The following HECW2 variants were observed in gnomAD, a reference collection of about 807,000 sequenced individuals.
The protein encoded by HECW2 is E3 ubiquitin-protein ligase HECW2.
Under a neutral mutation model 175.2 loss-of-function variants are expected in HECW2, and 61 were observed. The observed-to-expected ratio is 0.35, with a 90% CI of 0.28 to 0.43. HECW2 has a LOEUF of 0.43. Ranked by LOEUF, HECW2 falls within the 20% of genes least tolerant of loss-of-function variation. The pLI is 1.00. For missense variants in HECW2, 1,524 were observed against 2,000.5 expected (o/e 0.76, Z 4.54); for synonymous variants, 671 against 731.0 (o/e 0.92, Z 1.32).
chr2:196,561,679 G>A (rs992061266), intron 1 of HECW2, among the ~76,000 whole-genome samples: 1 of 152,026 alleles, frequency 6.6e-6, no homozygotes, highest in Admixed American at 6.5e-5. Flanking sequence ...AGGGAAAATA[G>A]AAAAGAACCT....
Position 196,582,390 on chromosome 2 carries a change from T to C in HECW2, c.-36+11118A>G, listed in dbSNP as rs57853336. ...CTGACTGCCTTGTTGCAGTGTGTGA[T>C]CCTAGCTTGAGGATGCCAAGTAGTT... On this transcript the variant is annotated intron_variant, in intron 1 of 28. Coordinates refer to ENST00000644978, the MANE Select transcript of HECW2 (RefSeq NM_001348768.2). 2.6e-3 allele frequency among the ~76,000 whole-genome samples: 399 copies of C among 152,312 alleles called. 1 individual carries two copies. The highest frequency in any genetic ancestry group is 9.3e-3 in the African/African-American group (388 of 41,574).
intron 1 of HECW2, among the ~76,000 whole-genome samples, chr2:196,518,206 G>A (rs1211194025): frequency 3.3e-5 from 5 of 151,884 alleles, no homozygotes; most frequent in South Asian, 2.1e-4. Context: ...CCAAAAATGT[G>A]ATTAAAAAAT....
chr2:196,377,494 G>T (rs531774223), intron 2 of HECW2, among the ~76,000 whole-genome samples: 1 of 152,258 alleles, frequency 6.6e-6, no homozygotes, highest in South Asian at 2.1e-4. Flanking sequence ...GGCAAGAGAG[G>T]GCTTGTGCAG....
intron 1 of HECW2, among the ~76,000 whole-genome samples, chr2:196,520,509 T>C (rs1367670309): frequency 6.6e-6 from 1 of 152,240 alleles, no homozygotes; most frequent in Non-Finnish European, 1.5e-5. Context: ...CATAGGGCTT[T>C]TAAGACAGGT....
At chr2:196,214,359 C>T (rs1028909774) in intron 28 of HECW2, among the ~76,000 whole-genome samples, 1 of 152,202 alleles carries the variant, frequency 6.6e-6, no homozygotes, top group Non-Finnish European at 1.5e-5. Context: ...CTTACTGTTG[C>T]ACTTTATTCC....
chr2:196,321,653 T>G (rs4850394), intron 7 of HECW2, among the ~76,000 whole-genome samples: 148,815 of 152,210 alleles, frequency 0.98, 72,824 homozygotes, highest in Middle Eastern at 1. Context: ...GCCCACCTCG[T>G]CCGCTCAAAG....
chr2:196,307,092 T>C, intron 12 of HECW2, 38 bp downstream of exon 12: 1 of 1,426,226 alleles, frequency 7.0e-7, no homozygotes, highest in Non-Finnish European at 9.9e-7. Context: ...CTTTTTCCAC[T>C]TTTATGAAAT....
intron 2 of HECW2, among the ~76,000 whole-genome samples, chr2:196,427,177 A>G (rs767331717): frequency 1.4e-4 from 21 of 152,328 alleles, no homozygotes; most frequent in Admixed American, 5.9e-4. Flanking sequence ...TCATCGAAGA[A>G]ATCAGTATAT....
intron 1 of HECW2, among the ~76,000 whole-genome samples, chr2:196,458,631 C>G (rs1005792207): frequency 6.6e-6 from 1 of 151,798 alleles, no homozygotes; most frequent in Non-Finnish European, 1.5e-5. Context: ...ACTTTGGGAG[C>G]CCGAGGCGGG....
chr2:196,508,036 A>ATTGTT (rs1687826553), intron 1 of HECW2, among the ~76,000 whole-genome samples: 1 of 152,218 alleles, frequency 6.6e-6, no homozygotes, highest in African/African-American at 2.4e-5. Context: ...TGTTTTAAAT[A>ATTGTT]TTGTTTTCTT....
intron 28 of HECW2, among the ~76,000 whole-genome samples, chr2:196,205,181 A>G (rs1575216373): frequency 6.6e-6 from 1 of 152,326 alleles, no homozygotes; most frequent in Middle Eastern, 3.4e-3. Context: ...ATATTTCGCG[A>G]TGATGGGGAA....
At chr2:196,327,718 T>C (rs1350759441) in intron 5 of HECW2, among the ~76,000 whole-genome samples, 1 of 152,232 alleles carries the variant, frequency 6.6e-6, no homozygotes, top group Non-Finnish European at 1.5e-5. Flanking sequence ...CCTAGTCATT[T>C]CTGTACACTG....
intron 1 of HECW2, among the ~76,000 whole-genome samples, chr2:196,468,740 T>G (rs987622026): frequency 6.6e-6 from 1 of 152,084 alleles, no homozygotes; most frequent in African/African-American, 2.4e-5. Context: ...TCAAAATAAC[T>G]CAGGTCAGCA....
At chr2:196,379,240 G>T (rs1694134623) in intron 2 of HECW2, among the ~76,000 whole-genome samples, 2 of 152,136 alleles carry the variant, frequency 1.3e-5, no homozygotes, top group South Asian at 4.1e-4. Flanking sequence ...TCAAAAACAG[G>T]CAAAACTAAC....
At position 196,319,724 on chromosome 2, in the gene HECW2, C is replaced by A. The variant is rs1691867456; in HGVS notation, c.1166G>T (p.Ser389Ile). 1 of 1,614,176 alleles carries A rather than the reference C, an allele frequency of 6.2e-7. No individual in the cohort carries two copies. Among genetic ancestry groups the A allele is most frequent in the Non-Finnish European group, 8.5e-7 (1 of 1,180,034 alleles). Residue 389 changes from serine (S) to isoleucine (I), a missense_variant, in exon 9 of 29, where the codon AGC becomes ATC. Around this residue, in one of 11 missense-constraint regions of HECW2, gnomAD observed 604 missense variants for 588.3 expected, o/e 1.03. Coordinates refer to ENST00000644978, the MANE Select transcript of HECW2 (RefSeq NM_001348768.2). ...DGTPKHSFRTSSTLEIDTEEL... is the reference protein window; with the variant it reads ...DGTPKHSFRTISTLEIDTEEL... ...CTCTGTGTCTATTTCCAGAGTGGAG[C>A]TAGTCCTGAATGAATGCTTGGGGGT...
chr2:196,242,241 G>A (rs756980160), intron 19 of HECW2, 37 bp from the exon 20 acceptor site: 2 of 1,613,212 alleles, frequency 1.2e-6, no homozygotes, highest in African/African-American at 1.3e-5. Flanking sequence ...ATCTGGATTT[G>A]TGCCTCGTCC....
chr2:196,522,783 A>T (rs996021107), intron 1 of HECW2, among the ~76,000 whole-genome samples: 76 of 151,160 alleles, frequency 5.0e-4, no homozygotes, highest in African/African-American at 1.8e-3. Context: ...AAGATCAGAT[A>T]GTTGTAGATA....
At chr2:196,384,923 C>T (rs1041944005) in intron 2 of HECW2, among the ~76,000 whole-genome samples, 1 of 151,936 alleles carries the variant, frequency 6.6e-6, no homozygotes, top group Non-Finnish European at 1.5e-5. Flanking sequence ...TTGTTTCTTT[C>T]ACTTTTTTTT....
chr2:196,402,755 T>C (rs546704004), intron 2 of HECW2, among the ~76,000 whole-genome samples: 6 of 151,518 alleles, frequency 4.0e-5, no homozygotes, highest in African/African-American at 1.5e-4. Flanking sequence ...GTGAATATTG[T>C]AAATCAAATA....
Sources: allele counts gnomAD v4.1 joint callset (sites outside exome capture counted in the v4.1 genomes callset), GRCh38; gene constraint gnomAD v4.1.1; regional missense constraint gnomAD v4.1.1; transcripts MANE v1.5; gene names NCBI Gene and HGNC (gene_info 2026-07-23, HGNC 2026-07-21).